PLCXD3: variants seen among roughly 807,000 people sequenced by gnomAD.
The protein encoded by PLCXD3 is PI-PLC X domain-containing protein 3.
Under a neutral mutation model 25.5 loss-of-function variants are expected in PLCXD3, and 19 were observed. The ratio of observed to expected loss-of-function variants is 0.75; its 90% CI spans 0.52 to 1.09. The LOEUF is 1.09. Among genes scored for constraint, PLCXD3 ranks in the 50% least tolerant of loss-of-function variants. PLCXD3 has a pLI of 0.00. For synonymous variants in PLCXD3, 174 were observed against 137.6 expected (o/e 1.26, Z -1.85); for missense variants, 411 against 388.1 (o/e 1.06, Z -0.50).
chr5:41,413,244 A>G (rs1421608213), intron 1 of PLCXD3, among the ~76,000 whole-genome samples: 2 of 152,226 alleles, frequency 1.3e-5, no homozygotes, highest in Non-Finnish European at 2.9e-5. Context: ...AGATCATGAA[A>G]GTCATAAATT....
At chr5:41,402,015 C>A (rs1204472934) in intron 1 of PLCXD3, among the ~76,000 whole-genome samples, 1 of 151,812 alleles carries the variant, frequency 6.6e-6, no homozygotes, top group Admixed American at 6.6e-5. Context: ...AGTAGAGATG[C>A]TAAATTTTAT....
intron 2 of PLCXD3, among the ~76,000 whole-genome samples, chr5:41,354,254 C>G (rs531099863): frequency 6.6e-6 from 1 of 152,268 alleles, no homozygotes; most frequent in Admixed American, 6.5e-5. Context: ...GAACCAGGCT[C>G]TTCTATCCAA....
At chr5:41,401,290 G>A (rs1223390172) in intron 1 of PLCXD3, among the ~76,000 whole-genome samples, 1 of 151,936 alleles carries the variant, frequency 6.6e-6, no homozygotes, top group Admixed American at 6.6e-5. Context: ...CTATCCCAAA[G>A]TTGCAAAAGT....
At chr5:41,476,629 CT>C (rs531258669) in intron 1 of PLCXD3, among the ~76,000 whole-genome samples, 23 of 152,226 alleles carry the variant, frequency 1.5e-4, no homozygotes, top group Non-Finnish European at 2.9e-4. Flanking sequence ...TTCTCCCAGA[CT>C]TTGTTCATGT....
rs981989867 is a variant in PLCXD3, at chr5:41,492,828, C to T, written c.103+17596G>A. On this transcript the variant is annotated intron_variant, in intron 1 of 2. Transcript: ENST00000377801. ...TGTATTGGTTATTCTAGTTTACATT[C>T]TTCTAAACTTTTTCCAAAGTTTTCA... 3.3e-5 allele frequency among the ~76,000 whole-genome samples: 5 copies of T among 152,182 alleles called. No homozygotes were observed. The East Asian group carries it at 7.7e-4, about 23-fold the overall frequency.
Position 41,473,922 on chromosome 5 carries a change from C to T in PLCXD3, c.103+36502G>A, listed in dbSNP as rs374015198. Among the ~76,000 whole-genome samples, 3 of 152,170 alleles carry T rather than the reference C, an allele frequency of 2.0e-5. No individual in the cohort carries two copies. The East Asian group carries it at 5.8e-4, about 29-fold the overall frequency. On this transcript the variant is annotated intron_variant, in intron 1 of 2. Transcript: ENST00000377801. The stretch of plus-strand genomic sequence containing the variant: ...TTCCATGTAAATTTATGAGAGGCCC[C>T]TTCCTCTTTTTAAATTTCAAACTAA...
intron 1 of PLCXD3, among the ~76,000 whole-genome samples, chr5:41,393,697 A>G (rs550659064): frequency 6.6e-6 from 1 of 152,238 alleles, no homozygotes; most frequent in African/African-American, 2.4e-5. Context: ...AGGTGGGTGG[A>G]TCACAAGGTC....
chr5:41,412,708 C>T (rs1420114025), intron 1 of PLCXD3, among the ~76,000 whole-genome samples: 1 of 152,188 alleles, frequency 6.6e-6, no homozygotes, highest in Admixed American at 6.5e-5. Context: ...TTTATTGTGT[C>T]AGCCTCTACT....
intron 2 of PLCXD3, among the ~76,000 whole-genome samples, chr5:41,343,438 G>T (rs891672855): frequency 1.1e-4 from 17 of 152,056 alleles, no homozygotes; most frequent in African/African-American, 3.6e-4. Flanking sequence ...TATTGAAAAT[G>T]AATTACTAGT....
chr5:41,476,301 A>C (rs962019146), intron 1 of PLCXD3, among the ~76,000 whole-genome samples: 1 of 152,210 alleles, frequency 6.6e-6, no homozygotes, highest in Non-Finnish European at 1.5e-5. Flanking sequence ...TTTGGCTGGC[A>C]TCTAAAAACT....
At chr5:41,481,593 G>C (rs886097767) in intron 1 of PLCXD3, among the ~76,000 whole-genome samples, 2 of 152,248 alleles carry the variant, frequency 1.3e-5, no homozygotes, top group African/African-American at 4.8e-5. Context: ...GTCAAAAGCA[G>C]AGATGCTGTC....
At chr5:41,428,479 A>G (rs1747020383) in intron 1 of PLCXD3, among the ~76,000 whole-genome samples, 1 of 151,330 alleles carries the variant, frequency 6.6e-6, no homozygotes, top group Non-Finnish European at 1.5e-5. Context: ...GGGCGTATGT[A>G]CACAGAGAAA....
chr5:41,338,459 G>GCA (rs1475357925), intron 2 of PLCXD3, among the ~76,000 whole-genome samples: 2 of 151,926 alleles, frequency 1.3e-5, no homozygotes, highest in East Asian at 3.9e-4. Flanking sequence ...GCATGCATGT[G>GCA]CACACACACA....
Position 41,403,398 on chromosome 5 carries a change from G to GTTTT in PLCXD3, c.104-20865_104-20864insAAAA, listed in dbSNP as rs764950342. Among the ~76,000 whole-genome samples the GTTTT allele has an allele frequency of 2.9e-4, 10 of 33,998 alleles. 1 individual carries two copies. Among genetic ancestry groups the GTTTT allele is most frequent in the East Asian group, 1.4e-3 (4 of 2,786 alleles). 22.3% of individuals were successfully genotyped at this position (33,998 alleles called of 152,430 possible). A position where few individuals can be genotyped will look rare whatever the true frequency, so the allele number is the denominator to read the frequency against. On this transcript the variant is annotated intron_variant, in intron 1 of 2. Coordinates refer to ENST00000377801, the MANE Select transcript of PLCXD3 (RefSeq NM_001005473.3). ...GCCATTTACCCAGATTGACTTATTT[G>GTTTT]TTGTTTTTTTTTTTTTTTATTATAC... is the stretch of plus-strand genomic sequence containing the variant.
chr5:41,473,024 T>G (rs892837781), intron 1 of PLCXD3, among the ~76,000 whole-genome samples: 3 of 152,296 alleles, frequency 2.0e-5, no homozygotes, highest in Non-Finnish European at 2.9e-5. Flanking sequence ...CTATCTATAT[T>G]CTTAACATTT....
At chr5:41,411,856 G>A (rs1261851144) in intron 1 of PLCXD3, among the ~76,000 whole-genome samples, 1 of 136,628 alleles carries the variant, frequency 7.3e-6, no homozygotes, top group Admixed American at 7.5e-5. Flanking sequence ...CCATATATAT[G>A]TATCCATATA....
At chr5:41,455,525 G>A (rs1482297979) in intron 1 of PLCXD3, among the ~76,000 whole-genome samples, 1 of 151,874 alleles carries the variant, frequency 6.6e-6, no homozygotes, top group Non-Finnish European at 1.5e-5. Flanking sequence ...CACAGGCAAT[G>A]GCTGAACAGC....
intron 1 of PLCXD3, among the ~76,000 whole-genome samples, chr5:41,422,410 C>G (rs558509059): frequency 2.0e-5 from 3 of 152,278 alleles, no homozygotes; most frequent in Admixed American, 2.0e-4. Context: ...AATTTATCAA[C>G]CACCATCTTT....
rs1745237656 is a variant in PLCXD3, at chr5:41,374,810, G to A, written c.812+7016C>T. 2.6e-5 allele frequency among the ~76,000 whole-genome samples: 4 copies of A among 152,112 alleles called. No individual in the cohort carries two copies. The South Asian group carries it at 8.3e-4, about 31-fold the overall frequency. On this transcript the variant is annotated intron_variant, in intron 2 of 2. Transcript: ENST00000377801. Reference sequence around the variant, plus strand: ...TTGTCAGCTGCTCTGCTCTGCTGCTGTGCTGACCTGTCTTGGGACATGGCC... The same window carrying A: ...TTGTCAGCTGCTCTGCTCTGCTGCTATGCTGACCTGTCTTGGGACATGGCC...
Sources: allele counts gnomAD v4.1 joint callset (sites outside exome capture counted in the v4.1 genomes callset), GRCh38; gene constraint gnomAD v4.1.1; transcripts MANE v1.5; gene names NCBI Gene and HGNC (gene_info 2026-07-23, HGNC 2026-07-21).